The following LOC400499 variants were observed in gnomAD, a reference collection of about 807,000 sequenced individuals.
chr16:11,463,304 G>A, the LOC400499 span, among the ~76,000 whole-genome samples: 7 of 133,230 alleles, frequency 5.3e-5, no homozygotes, highest in East Asian at 1.2e-3. Context: ...CCCAAAAGAC[G>A]CCAAAACAAG....
At chr16:11,421,155 A>T in the LOC400499 span, among the ~76,000 whole-genome samples, 1 of 152,158 alleles carries the variant, frequency 6.6e-6, no homozygotes, top group Non-Finnish European at 1.5e-5. Flanking sequence ...CCAGAGACTC[A>T]GTGTGACAGC....
the LOC400499 span, chr16:11,447,900 A>AG: frequency 6.6e-7 from 1 of 1,517,420 alleles, no homozygotes; most frequent in South Asian, 1.2e-5. Context: ...GGAAACTTGC[A>AG]GGGGTGTCAG....
the LOC400499 span, among the ~76,000 whole-genome samples, chr16:11,390,746 A>G: frequency 1.3e-5 from 2 of 152,066 alleles, no homozygotes; most frequent in African/African-American, 4.8e-5. Flanking sequence ...CTGCATCTGA[A>G]CTGTTTGTAC....
the LOC400499 span, chr16:11,516,275 A>G: frequency 2.5e-6 from 1 of 399,644 alleles, no homozygotes; most frequent in East Asian, 3.6e-5. Context: ...AGAGTGCAGG[A>G]TGAAGCGGAG....
the LOC400499 span, chr16:11,471,732 G>T: frequency 4.8e-5 from 19 of 399,100 alleles, no homozygotes; most frequent in Middle Eastern, 6.2e-4. Flanking sequence ...TCACGGCCGC[G>T]AACACAGGCA....
the LOC400499 span, chr16:11,476,804 G>C: frequency 5.0e-6 from 2 of 399,160 alleles, no homozygotes; most frequent in African/African-American, 4.1e-5. Flanking sequence ...GGCGTGTTCA[G>C]ATGCACCTTA....
the LOC400499 span, among the ~76,000 whole-genome samples, chr16:11,487,702 G>A: frequency 6.6e-6 from 1 of 152,032 alleles, no homozygotes; most frequent in Non-Finnish European, 1.5e-5. Context: ...TTTATTTTCT[G>A]TTTAATTACA....
the LOC400499 span, among the ~76,000 whole-genome samples, chr16:11,501,743 G>A: frequency 6.6e-6 from 1 of 152,020 alleles, no homozygotes; most frequent in Non-Finnish European, 1.5e-5. Context: ...CACGCCCCCA[G>A]CAGGAGGGTA....
chr16:11,456,484 G>A, the LOC400499 span, among the ~76,000 whole-genome samples: 1 of 152,202 alleles, frequency 6.6e-6, no homozygotes, highest in Non-Finnish European at 1.5e-5. Flanking sequence ...GGGAGAGTGG[G>A]GTGGGACAAG....
chr16:11,520,853 C>A, the LOC400499 span, among the ~76,000 whole-genome samples: 2 of 152,046 alleles, frequency 1.3e-5, no homozygotes, highest in African/African-American at 2.4e-5. Flanking sequence ...AAAATATATT[C>A]ATTAACCTCC....
chr16:11,388,504 C>G, the LOC400499 span, among the ~76,000 whole-genome samples: 1 of 152,178 alleles, frequency 6.6e-6, no homozygotes. Flanking sequence ...GAAGAAGGAG[C>G]TGCCTCCCTG....
the LOC400499 span, among the ~76,000 whole-genome samples, chr16:11,465,923 G>T: frequency 2.6e-5 from 4 of 152,058 alleles, no homozygotes; most frequent in Admixed American, 6.6e-5. Flanking sequence ...GAAGAAAAAA[G>T]AAAAGAGAAA....
the LOC400499 span, among the ~76,000 whole-genome samples, chr16:11,385,992 C>T: frequency 1.4e-4 from 22 of 152,020 alleles, no homozygotes; most frequent in Non-Finnish European, 1.2e-4. Flanking sequence ...GCTGAGATGG[C>T]GCCACTGCAC....
At chr16:11,511,159 G>A in the LOC400499 span, among the ~76,000 whole-genome samples, 21 of 146,270 alleles carry the variant, frequency 1.4e-4, no homozygotes, top group African/African-American at 5.0e-4. Context: ...ACCATGCCTG[G>A]CTAATTTTTT....
At chr16:11,471,765 A>G in the LOC400499 span, 1 of 399,198 alleles carries the variant, frequency 2.5e-6, no homozygotes, top group Non-Finnish European at 4.4e-6. Context: ...AGGGCTGGCC[A>G]GGCACCGGCC....
the LOC400499 span, among the ~76,000 whole-genome samples, chr16:11,486,132 G>A: frequency 6.6e-6 from 1 of 151,198 alleles, no homozygotes; most frequent in African/African-American, 2.4e-5. Context: ...GACAGATGAT[G>A]GGTGGGTAGA....
chr16:11,493,712 T>C, the LOC400499 span: 1 of 396,166 alleles, frequency 2.5e-6, no homozygotes. Context: ...GTGCTGCTTC[T>C]CAGAGATGCA....
At chr16:11,482,891 C>CAA in the LOC400499 span, among the ~76,000 whole-genome samples, 27 of 100,878 alleles carry the variant, frequency 2.7e-4, no homozygotes, top group African/African-American at 9.1e-4. Context: ...GACCTCAACT[C>CAA]AAAAAAAAAA....
chr16:11,479,895 G>T, the LOC400499 span, among the ~76,000 whole-genome samples: 2 of 152,054 alleles, frequency 1.3e-5, no homozygotes, highest in Non-Finnish European at 2.9e-5. Context: ...CTGGTCTCTG[G>T]TTCATGGCAG....
Sources: gnomAD v4.1 joint callset for allele counts (sites outside exome capture counted in the v4.1 genomes callset) on GRCh38, gnomAD v4.1.1 for gene constraint, MANE v1.5 for transcripts.